Variants in ARMC9 observed in about 807,000 individuals in gnomAD.
ARMC9 encodes the protein lisH domain-containing protein ARMC9.
A neutral mutation model predicts 107.0 loss-of-function variants in ARMC9; 94 were observed. The observed-to-expected ratio is 0.88, with a 90% CI of 0.74 to 1.04. ARMC9 has a LOEUF of 1.04. Among genes scored for constraint, ARMC9 ranks in the 50% least tolerant of loss-of-function variants. ARMC9 has a pLI of 0.00. For missense variants in ARMC9, 942 were observed against 1,030.1 expected, an observed-to-expected ratio of 0.91 and a Z score of 1.17; for synonymous variants, 380 against 396.9, an observed-to-expected ratio of 0.96 and a Z score of 0.51.
chr2:231,219,660 T>C lies in ARMC9; in HGVS notation c.504+2867T>C, dbSNP rs189716148. Among the ~76,000 whole-genome samples the C allele has an allele frequency of 1.1e-3, 161 of 152,308 alleles. 1 individual carries two copies. Among genetic ancestry groups the C allele is most frequent in the Non-Finnish European group, 1.7e-3 (114 of 68,022 alleles). On this transcript the variant is annotated intron_variant, in intron 5 of 24. Coordinates refer to ENST00000611582, the MANE Select transcript of ARMC9 (RefSeq NM_001352754.2). ...TGGGTTTCCTGGATGTGAAGTTTTG[T>C]GTCTTTCAACAACTCTGAAAAATTC...
Position 231,371,547 on chromosome 2 carries a change from G to C in ARMC9, c.*12G>C. 2 of 1,235,782 alleles carry C rather than the reference G, an allele frequency of 1.6e-6. No homozygotes were observed. Among genetic ancestry groups the C allele is most frequent in the Non-Finnish European group, 2.0e-6 (2 of 989,842 alleles). The allele number at this position is 1,235,782 out of a possible 1,614,324, so 76.6% of individuals were successfully genotyped here. A position where few individuals can be genotyped will look rare whatever the true frequency, so the allele number is the denominator to read the frequency against. ...CTCACAGGAAGTAAGGATGTCCCCG[G>C]GTGTCCCCATCACGTTGCCGGAGGA... On this transcript the variant is annotated 3_prime_UTR_variant, in exon 25 of 25. Transcript: ENST00000611582.
At chr2:231,324,262 G>T (rs2043177804) in intron 19 of ARMC9, among the ~76,000 whole-genome samples, 1 of 150,582 alleles carries the variant, frequency 6.6e-6, no homozygotes, top group Admixed American at 6.6e-5. Flanking sequence ...TGAGTAGCTG[G>T]GACTACAGGC....
chr2:231,316,785 CAG>C (rs1271741170), intron 19 of ARMC9, among the ~76,000 whole-genome samples: 1 of 152,092 alleles, frequency 6.6e-6, no homozygotes, highest in East Asian at 1.9e-4. Context: ...TTGTTTGTGA[CAG>C]AGTCTCACTG....
At chr2:231,352,115 C>T (rs1048695437) in intron 21 of ARMC9, among the ~76,000 whole-genome samples, 15 of 151,620 alleles carry the variant, frequency 9.9e-5, no homozygotes, top group African/African-American at 2.4e-4. Flanking sequence ...CACAGGCATG[C>T]GCCACCACAT....
At chr2:231,363,833 G>A (rs1289609895) in intron 23 of ARMC9, among the ~76,000 whole-genome samples, 2 of 134,096 alleles carry the variant, frequency 1.5e-5, no homozygotes, top group East Asian at 2.3e-4. Context: ...GCAGTGAGCC[G>A]AGATCGCACC....
Position 231,222,955 on chromosome 2 carries a change from G to A in ARMC9, c.597+135G>A, listed in dbSNP as rs575783857. On this transcript the variant is annotated intron_variant, in intron 6 of 24. Transcript: ENST00000611582. ...AATAGTGTTGCTTTCATATTTACAA[G>A]GTCAATGAATCATTAATGGCAGGGC... 9 of 555,228 alleles carry A rather than the reference G, an allele frequency of 1.6e-5. No individual in the cohort carries two copies. The South Asian group carries it at 2.5e-4, about 15-fold the overall frequency. 34.4% of individuals were successfully genotyped at this position (555,228 alleles called of 1,614,324 possible).
rs866419699 is a variant in ARMC9 at position 231,201,225 on chromosome 2, C to T, written c.-42+2527C>T. On this transcript the variant is annotated intron_variant, in intron 1 of 24. Coordinates refer to ENST00000611582, the MANE Select transcript of ARMC9 (RefSeq NM_001352754.2). Reference sequence around the variant, plus strand: ...GGTGCATGGGGAGGTGTCCTCCCTGCTCCTCATTACTGCTTCCAGATCACT... The same window carrying T: ...GGTGCATGGGGAGGTGTCCTCCCTGTTCCTCATTACTGCTTCCAGATCACT... Among the ~76,000 whole-genome samples, 13 of 152,268 alleles carry T rather than the reference C, an allele frequency of 8.5e-5. No homozygotes were observed. In the South Asian group the frequency reaches 1.7e-3, roughly 19 times the overall value.
At chr2:231,317,449 G>T (rs1036682349) in intron 19 of ARMC9, among the ~76,000 whole-genome samples, 6 of 152,092 alleles carry the variant, frequency 3.9e-5, no homozygotes, top group African/African-American at 1.4e-4. Flanking sequence ...AGGATTACAG[G>T]TGTGAGCCAC....
intron 17 of ARMC9, among the ~76,000 whole-genome samples, chr2:231,288,275 A>G (rs1450430507): frequency 3.3e-5 from 5 of 152,196 alleles, no homozygotes; most frequent in Non-Finnish European, 7.3e-5. Context: ...GTATATTCTG[A>G]GTTACGTAAA....
intron 19 of ARMC9, among the ~76,000 whole-genome samples, chr2:231,317,457 C>T (rs1381722455): frequency 1.3e-5 from 2 of 152,098 alleles, no homozygotes; most frequent in African/African-American, 2.4e-5. Context: ...AGGTGTGAGC[C>T]ACTGCACCCG....
chr2:231,352,486 T>A (rs1346376797), intron 21 of ARMC9, among the ~76,000 whole-genome samples: 3 of 151,502 alleles, frequency 2.0e-5, no homozygotes, highest in South Asian at 2.1e-4. Context: ...ATTTTATTTT[T>A]TTATTTATTT....
At chr2:231,366,235 C>A (rs2045813153) in intron 23 of ARMC9, among the ~76,000 whole-genome samples, 2 of 152,178 alleles carry the variant, frequency 1.3e-5, no homozygotes, top group Non-Finnish European at 2.9e-5. Context: ...CTATTATGGC[C>A]TTCAGCTGAC....
rs1281256809 is a variant in ARMC9, at chr2:231,297,921, T to A, written c.1773+1668T>A. Among the ~76,000 whole-genome samples the A allele has an allele frequency of 3.3e-5, 5 of 152,258 alleles. No homozygotes were observed. The highest frequency in any genetic ancestry group is 7.3e-5 in the Non-Finnish European group (5 of 68,044). ...ATCCCTTTGGGTTTTTCGGTTTGCT[T>A]TGGTTTTTCATTTTGCTTTGTTTTT... On this transcript the variant is annotated intron_variant, in intron 19 of 24. Transcript: ENST00000611582. The surrounding 1 kb of genome is among the most constrained non-coding windows in gnomAD (Gnocchi z 4.2).
In ARMC9 at chr2:231,207,149, C is replaced by T. The variant is rs149544038; in HGVS notation, c.51+860C>T. Among the ~76,000 whole-genome samples the T allele has an allele frequency of 1.0e-3, 157 of 152,208 alleles. 1 individual carries two copies. In the East Asian group the frequency reaches 0.024, roughly 23 times the overall value. ...CCTCCTGGGTAGCTGAGACTACAGA[C>T]GTGCACCACCATGCTCAGCTAGGTT... On this transcript the variant is annotated intron_variant, in intron 2 of 24. Coordinates refer to ENST00000611582, the MANE Select transcript of ARMC9 (RefSeq NM_001352754.2).
intron 14 of ARMC9, 82 bp from the exon 15 acceptor site, chr2:231,276,554 G>A (rs1216139281): frequency 1.4e-5 from 22 of 1,574,808 alleles, no homozygotes; most frequent in Non-Finnish European, 1.8e-5. Flanking sequence ...ACAGGCATGA[G>A]CCACTGCTTC....
intron 20 of ARMC9, among the ~76,000 whole-genome samples, chr2:231,332,910 G>A (rs1034761734): frequency 2.6e-5 from 4 of 152,222 alleles, no homozygotes; most frequent in Non-Finnish European, 4.4e-5. Flanking sequence ...CGGCCAGCAG[G>A]TTGGTGTTGG....
chr2:231,267,377 C>T (rs1574871884), intron 12 of ARMC9, among the ~76,000 whole-genome samples: 1 of 152,190 alleles, frequency 6.6e-6, no homozygotes, highest in East Asian at 1.9e-4. Context: ...ACTACAGGTG[C>T]GCGTCACCAT....
chr2:231,333,954 C>T (rs1448238962), intron 20 of ARMC9, among the ~76,000 whole-genome samples: 1 of 152,342 alleles, frequency 6.6e-6, no homozygotes, highest in East Asian at 1.9e-4. Context: ...AGGTGCAGAA[C>T]GTGGTGAGAC....
At chr2:231,336,532 C>T (rs1023555038) in intron 20 of ARMC9, among the ~76,000 whole-genome samples, 1 of 152,172 alleles carries the variant, frequency 6.6e-6, no homozygotes, top group Non-Finnish European at 1.5e-5. Context: ...GAGAGAGCTG[C>T]GACCCGTGTG....
Sources: gnomAD v4.1 joint callset for allele counts (sites outside exome capture counted in the v4.1 genomes callset) on GRCh38, gnomAD v4.1.1 for gene constraint, Gnocchi (gnomAD v3.1) non-coding constraint, MANE v1.5 for transcripts, NCBI Gene and HGNC (gene_info 2026-07-23, HGNC 2026-07-21) for gene names.